The following ABR variants were observed in gnomAD, a reference collection of about 807,000 sequenced individuals.
ABR encodes the protein ABR activator of RhoGEF and GTPase.
A neutral mutation model predicts 107.2 loss-of-function variants in ABR; 35 were observed. The observed-to-expected ratio is 0.33, with a 90% CI of 0.25 to 0.43. The LOEUF is 0.43. Ranked by LOEUF, ABR falls within the 20% of genes least tolerant of loss-of-function variation. ABR has a pLI of 1.00. For synonymous variants in ABR, 498 were observed against 462.0 expected, an observed-to-expected ratio of 1.08 and a Z score of -1.00; for missense variants, 815 against 1,115.2, an observed-to-expected ratio of 0.73 and a Z score of 3.83.
In ABR at chr17:1,179,031, T is replaced by A. The variant is rs2042021506; in HGVS notation, c.61+636A>T. Among the ~76,000 whole-genome samples the A allele has an allele frequency of 6.8e-6, 1 of 148,108 alleles. No individual in the cohort carries two copies. The highest frequency in any genetic ancestry group is 1.5e-5 in the Non-Finnish European group (1 of 67,086). On this transcript the variant is annotated intron_variant, in intron 1 of 22. Transcript: ENST00000302538. The surrounding 1 kb of genome is among the most constrained non-coding windows in gnomAD (Gnocchi z 4.9). ...TTTTTTTTTCTTCTGAGGGTGGTGG[T>A]GATGATGAGGGTGGGGGTGGTGATG...
At chr17:1,182,732 G>A (rs561253088), upstream of ABR, among the ~76,000 whole-genome samples, 1 of 152,312 alleles carries the variant, frequency 6.6e-6, no homozygotes, top group East Asian at 1.9e-4. Context: ...ACCGGGTGCT[G>A]AAGGTCCTGA....
Position 1,054,493 on chromosome 17 carries a change from TC to T in ABR, c.1561+1541del, listed in dbSNP as rs200246987. ...TCAGGGGATGGGGGCACAAGGAACC[TC>T]AAAGGGATGGGGATACAAGGAACCT... On this transcript the variant is annotated intron_variant, in intron 14 of 22. Coordinates refer to ENST00000302538, the MANE Select transcript of ABR (RefSeq NM_021962.5). 2.6e-3 allele frequency among the ~76,000 whole-genome samples: 372 copies of T among 142,082 alleles called. 9 individuals are homozygous for T. The highest frequency in any genetic ancestry group is 0.01 in the African/African-American group (352 of 34,900). The allele number at this position is 142,082 out of a possible 152,430, so 93.2% of individuals were successfully genotyped here. A position where few individuals can be genotyped will look rare whatever the true frequency, so the allele number is the denominator to read the frequency against.
intron 1 of ABR, among the ~76,000 whole-genome samples, chr17:1,164,601 C>T (rs899117706): frequency 1.3e-5 from 2 of 152,218 alleles, no homozygotes; most frequent in African/African-American, 2.4e-5. Flanking sequence ...GCCCAGTGAA[C>T]ATGAACGTCG....
At chr17:1,133,823 G>A (rs2039944982) in intron 1 of ABR, among the ~76,000 whole-genome samples, 1 of 152,122 alleles carries the variant, frequency 6.6e-6, no homozygotes, top group African/African-American at 2.4e-5. Flanking sequence ...TCATTACCAG[G>A]AACGGCTGCC....
intron 10 of ABR, among the ~76,000 whole-genome samples, chr17:1,062,687 A>G (rs1406473116): frequency 6.9e-6 from 1 of 145,314 alleles, no homozygotes. Context: ...AGGGCTATAC[A>G]TGTTCCTCTA....
At chr17:1,147,794 A>C (rs1165702164) in intron 1 of ABR, among the ~76,000 whole-genome samples, 1 of 152,186 alleles carries the variant, frequency 6.6e-6, no homozygotes, top group African/African-American at 2.4e-5. Context: ...AGCACCTGAC[A>C]GTCCTTTCTC....
In ABR at chr17:1,168,338, G is replaced by A. The variant is rs138574307; in HGVS notation, c.61+11329C>T. Among the ~76,000 whole-genome samples the A allele has an allele frequency of 1.4e-4, 21 of 152,258 alleles. No individual in the cohort carries two copies. The East Asian group carries it at 3.1e-3, about 22-fold the overall frequency. On this transcript the variant is annotated intron_variant, in intron 1 of 22. Transcript: ENST00000302538. ...AAGAAAGTGCTAAGCGATGTGAGCC[G>A]GAGCAATCAGCATTAGGGACTCTGA...
intron 1 of ABR, among the ~76,000 whole-genome samples, chr17:1,131,031 C>T (rs1218558056): frequency 6.7e-6 from 1 of 149,010 alleles, no homozygotes; most frequent in Non-Finnish European, 1.5e-5. Context: ...GCGCCTGACA[C>T]GCACACAGCT....
intron 1 of ABR, among the ~76,000 whole-genome samples, chr17:1,214,671 C>T (rs1466813390): frequency 6.6e-6 from 1 of 152,062 alleles, no homozygotes; most frequent in African/African-American, 2.4e-5. Flanking sequence ...CGTAGTGGCA[C>T]ATGCCTGTAA....
At chr17:1,047,679 T>G (rs190536332) in intron 16 of ABR, among the ~76,000 whole-genome samples, 3 of 152,344 alleles carry the variant, frequency 2.0e-5, no homozygotes, top group Admixed American at 6.5e-5. Context: ...CCTCGAAGCT[T>G]AAACACAGAA....
At chr17:1,108,900 C>CA in intron 2 of ABR, 1 of 1,555,898 alleles carries the variant, frequency 6.4e-7, no homozygotes, top group Non-Finnish European at 8.7e-7. Context: ...CCGGCCCGGC[C>CA]CCCCCCAGCG....
At chr17:1,103,890 T>C (rs2038074858) in intron 2 of ABR, among the ~76,000 whole-genome samples, 1 of 152,194 alleles carries the variant, frequency 6.6e-6, no homozygotes, top group African/African-American at 2.4e-5. Context: ...TTTTCCAGCT[T>C]TCCTCAGACT....
intron 16 of ABR, among the ~76,000 whole-genome samples, chr17:1,020,828 AC>A (rs2071565324): frequency 6.6e-6 from 1 of 151,830 alleles, no homozygotes; most frequent in South Asian, 2.1e-4. Context: ...CTCACCTCTC[AC>A]CCCCTGGGGC....
intron 16 of ABR, among the ~76,000 whole-genome samples, chr17:1,039,765 G>A (rs958620157): frequency 1.3e-5 from 2 of 152,142 alleles, no homozygotes; most frequent in African/African-American, 4.8e-5. Flanking sequence ...AGAGCCCCAC[G>A]TGGGCCAGCT....
rs533579443 is a variant in ABR at position 1,092,861 on chromosome 17, C to T, written c.346-1011G>A. On this transcript the variant is annotated intron_variant, in intron 3 of 22. Coordinates refer to ENST00000302538, the MANE Select transcript of ABR (RefSeq NM_021962.5). The surrounding 1 kb of genome is among the most constrained non-coding windows in gnomAD (Gnocchi z 4.6). ...TCTTTTTTTTTTGGAGACGGAGTCT[C>T]GCTCTGTCGCCCAGGCTGGAGTGCA... Among the ~76,000 whole-genome samples the T allele has an allele frequency of 8.6e-5, 13 of 151,040 alleles. No individual in the cohort carries two copies. In the South Asian group the frequency reaches 2.5e-3, roughly 29 times the overall value.
At chr17:1,038,919 G>C (rs1389593001) in intron 16 of ABR, among the ~76,000 whole-genome samples, 1 of 152,258 alleles carries the variant, frequency 6.6e-6, no homozygotes, top group Admixed American at 6.5e-5. Context: ...GCCTCCGCCA[G>C]CAGGGAGGTT....
chr17:1,175,159 C>A (rs1018568196), intron 1 of ABR, among the ~76,000 whole-genome samples: 1 of 152,252 alleles, frequency 6.6e-6, no homozygotes, highest in Non-Finnish European at 1.5e-5. Context: ...CGCCTGTCAT[C>A]CCAGCACTTT....
At chr17:1,088,690 A>G (rs9912838) in intron 4 of ABR, among the ~76,000 whole-genome samples, 3,483 of 151,648 alleles carry the variant, frequency 0.023, 138 homozygotes, top group African/African-American at 0.081. Flanking sequence ...AGTTCAAGCG[A>G]TTCTCCCACC....
chr17:1,205,626 A>G (rs559648113), intron 1 of ABR, among the ~76,000 whole-genome samples: 2 of 152,316 alleles, frequency 1.3e-5, no homozygotes, highest in African/African-American at 4.8e-5. Flanking sequence ...CCTGGACAAC[A>G]TAGTAAGACT....
Sources: allele counts gnomAD v4.1 joint callset (sites outside exome capture counted in the v4.1 genomes callset), GRCh38; gene constraint gnomAD v4.1.1; non-coding constraint Gnocchi (gnomAD v3.1); transcripts MANE v1.5; gene names NCBI Gene and HGNC (gene_info 2026-07-23, HGNC 2026-07-21).